The following DKK2 variants were observed in gnomAD, a reference collection of about 807,000 sequenced individuals.
DKK2 encodes dickkopf Wnt signaling pathway inhibitor 2, also known as dickkopf-related protein 2.
In DKK2, 11 loss-of-function variants were observed where a neutral mutation model predicts 28.1. The ratio of observed to expected loss-of-function variants is 0.39; its 90% CI spans 0.25 to 0.65. DKK2 has a LOEUF of 0.65. DKK2 is among the 30% of genes least tolerant of loss of function. The pLI, the probability that DKK2 is intolerant of heterozygous loss-of-function variation, is 0.47. For missense variants in DKK2, 326 were observed against 335.5 expected, an observed-to-expected ratio of 0.97 and a Z score of 0.22; for synonymous variants, 135 against 126.5, an observed-to-expected ratio of 1.07 and a Z score of -0.45.
chr4:106,994,186 G>T (rs1454068552), intron 1 of DKK2, among the ~76,000 whole-genome samples: 1 of 152,164 alleles, frequency 6.6e-6, no homozygotes, highest in Non-Finnish European at 1.5e-5. Context: ...CAAGTAAGGC[G>T]ATTTAGCTTT....
intron 1 of DKK2, among the ~76,000 whole-genome samples, chr4:106,963,057 T>G (rs554816717): frequency 7.3e-6 from 1 of 136,978 alleles, no homozygotes; most frequent in Non-Finnish European, 1.6e-5. Context: ...CGAAACTGCG[T>G]CTCAAAACAA....
At chr4:106,929,034 C>T (rs1334218532) in intron 1 of DKK2, among the ~76,000 whole-genome samples, 2 of 152,138 alleles carry the variant, frequency 1.3e-5, no homozygotes, top group Non-Finnish European at 1.5e-5. Context: ...AAGTGCCATT[C>T]AGAAACTCTC....
chr4:106,960,044 G>A (rs1035049686), intron 1 of DKK2, among the ~76,000 whole-genome samples: 1 of 150,616 alleles, frequency 6.6e-6, no homozygotes, highest in Non-Finnish European at 1.5e-5. Flanking sequence ...TTTTATTGAA[G>A]CGTGATTCAC....
chr4:107,011,432 T>G (rs1439729043), intron 1 of DKK2, among the ~76,000 whole-genome samples: 1 of 151,604 alleles, frequency 6.6e-6, no homozygotes, highest in East Asian at 1.9e-4. Context: ...ACTTGCTAAA[T>G]AATTCAGTAT....
intron 1 of DKK2, among the ~76,000 whole-genome samples, chr4:106,984,350 C>T (rs1481400622): frequency 6.6e-6 from 1 of 152,118 alleles, no homozygotes; most frequent in Non-Finnish European, 1.5e-5. Context: ...ACTAACTTCC[C>T]GTTTCCTCTC....
At chr4:107,012,489 T>G (rs1171181117) in intron 1 of DKK2, among the ~76,000 whole-genome samples, 1 of 151,292 alleles carries the variant, frequency 6.6e-6, no homozygotes, top group Non-Finnish European at 1.5e-5. Flanking sequence ...CTGGGAGCCA[T>G]GAATGCTTTT....
At chr4:107,004,096 G>T (rs979628362) in intron 1 of DKK2, among the ~76,000 whole-genome samples, 1 of 152,130 alleles carries the variant, frequency 6.6e-6, no homozygotes, top group African/African-American at 2.4e-5. Flanking sequence ...AAAATAGAAT[G>T]CAATAAAGGG....
chr4:107,028,423 T>C (rs1182657729), intron 1 of DKK2, among the ~76,000 whole-genome samples: 1 of 152,188 alleles, frequency 6.6e-6, no homozygotes, highest in African/African-American at 2.4e-5. Flanking sequence ...ATCAGCAAAA[T>C]AACTAAGTGC....
chr4:107,034,672 A>G (rs529720258), intron 1 of DKK2, among the ~76,000 whole-genome samples: 3 of 152,254 alleles, frequency 2.0e-5, no homozygotes, highest in South Asian at 4.1e-4. Context: ...TTTATGTACA[A>G]TTCTGCGTGA....
At chr4:106,934,674 T>C (rs1453245181) in intron 1 of DKK2, among the ~76,000 whole-genome samples, 2 of 152,212 alleles carry the variant, frequency 1.3e-5, no homozygotes, top group Non-Finnish European at 2.9e-5. Flanking sequence ...TTTCATTTCC[T>C]CTAGGAATTA....
At chr4:106,959,253 A>G (rs1054524425) in intron 1 of DKK2, among the ~76,000 whole-genome samples, 2 of 152,152 alleles carry the variant, frequency 1.3e-5, no homozygotes, top group Admixed American at 6.5e-5. Context: ...GAAATATCCC[A>G]AATATCCACA....
At chr4:106,980,313 A>G (rs987788037) in intron 1 of DKK2, among the ~76,000 whole-genome samples, 1 of 152,130 alleles carries the variant, frequency 6.6e-6, no homozygotes, top group Non-Finnish European at 1.5e-5. Context: ...ATGTGTATGT[A>G]CATATATACA....
intron 1 of DKK2, among the ~76,000 whole-genome samples, chr4:107,012,390 T>G (rs1453856515): frequency 1.3e-5 from 2 of 151,280 alleles, no homozygotes; most frequent in Non-Finnish European, 3.0e-5. Flanking sequence ...TTTATTCTCC[T>G]CATTCATTAA....
In DKK2 at chr4:106,924,064, C is replaced by T; in HGVS notation, c.670G>A (p.Gly224Arg). Residue 224 changes from glycine to arginine, a missense_variant, in exon 4 of 4, where the codon GGG (glycine) becomes AGG (arginine). By Grantham distance (125) the Gly-to-Arg change is moderately radical. Transcript: ENST00000285311. Reference protein sequence around the residue: ...CTKQRKKGSHGLEIFQRCDCA... With the variant: ...CTKQRKKGSHRLEIFQRCDCA... ...TCGCAACGCTGGAAAATTTCCAGCC[C>T]ATGAGAACCCTTCTTGCGTTGTTTG... 1 of 1,613,930 alleles carries T rather than the reference C, an allele frequency of 6.2e-7. No individual in the cohort carries two copies. Among genetic ancestry groups the T allele is most frequent in the Non-Finnish European group, 8.5e-7 (1 of 1,179,908 alleles).
At chr4:107,022,681 G>A (rs1407654253) in intron 1 of DKK2, among the ~76,000 whole-genome samples, 3 of 152,108 alleles carry the variant, frequency 2.0e-5, no homozygotes, top group African/African-American at 4.8e-5. Context: ...AAGTGGTGTA[G>A]ATAATGTTTC....
chr4:106,993,131 C>A (rs925059268), intron 1 of DKK2, among the ~76,000 whole-genome samples: 8 of 152,250 alleles, frequency 5.3e-5, no homozygotes, highest in African/African-American at 1.9e-4. Context: ...CTCAATTAAA[C>A]AGCATAAAAT....
intron 1 of DKK2, among the ~76,000 whole-genome samples, chr4:107,013,251 A>C (rs2110369927): frequency 6.6e-6 from 1 of 151,624 alleles, no homozygotes; most frequent in East Asian, 1.9e-4. Flanking sequence ...AAAAAGAACA[A>C]AGTTGTAGGC....
chr4:106,974,501 C>T (rs1722913538), intron 1 of DKK2, among the ~76,000 whole-genome samples: 1 of 152,046 alleles, frequency 6.6e-6, no homozygotes, highest in Non-Finnish European at 1.5e-5. Flanking sequence ...CTCTTCATGG[C>T]AATTGTGAAT....
chr4:106,966,974 C>T (rs1041813917), intron 1 of DKK2, among the ~76,000 whole-genome samples: 6 of 152,090 alleles, frequency 3.9e-5, no homozygotes, highest in African/African-American at 1.4e-4. Flanking sequence ...TCCTTCATTA[C>T]TATAGTTCAT....
Sources: gnomAD v4.1 joint callset for allele counts (sites outside exome capture counted in the v4.1 genomes callset) on GRCh38, gnomAD v4.1.1 for gene constraint, MANE v1.5 for transcripts, NCBI Gene and HGNC (gene_info 2026-07-23, HGNC 2026-07-21) for gene names.